AK5: variants seen among roughly 807,000 people sequenced by gnomAD.
AK5 encodes the protein adenylate kinase isoenzyme 5.
A neutral mutation model predicts 69.5 loss-of-function variants in AK5; 27 were observed. The observed-to-expected ratio is 0.39, with a 90% CI of 0.29 to 0.54. AK5 has a LOEUF of 0.54. Ranked by LOEUF, AK5 falls within the 20% of genes least tolerant of loss-of-function variation. The probability of loss-of-function intolerance (pLI) is 0.71; values close to 1 mark genes in which losing one functional copy is unlikely to be tolerated. For missense variants in AK5, 531 were observed against 700.4 expected, an observed-to-expected ratio of 0.76 and a Z score of 2.73; for synonymous variants, 260 against 244.4, an observed-to-expected ratio of 1.06 and a Z score of -0.60.
chr1:77,312,546 C>T (rs6700151), intron 5 of AK5, among the ~76,000 whole-genome samples: 1,831 of 147,268 alleles, frequency 0.012, 51 homozygotes, highest in African/African-American at 0.044. Context: ...AGCCAGGAGG[C>T]GGAGGTTGCA....
chr1:77,436,803 T>A (rs1346540849), intron 8 of AK5, among the ~76,000 whole-genome samples: 1 of 152,122 alleles, frequency 6.6e-6, no homozygotes, highest in Non-Finnish European at 1.5e-5. Context: ...TATTTCAGGC[T>A]AATTCCTTGT....
chr1:77,309,733 A>C (rs2100288033), intron 5 of AK5, among the ~76,000 whole-genome samples: 1 of 152,266 alleles, frequency 6.6e-6, no homozygotes, highest in Non-Finnish European at 1.5e-5. Flanking sequence ...AAACATTTAG[A>C]AATGTGTTTT....
intron 6 of AK5, among the ~76,000 whole-genome samples, chr1:77,409,228 G>A (rs773206454): frequency 2.6e-5 from 4 of 152,130 alleles, no homozygotes; most frequent in Non-Finnish European, 5.9e-5. Context: ...GAAGATTCAC[G>A]TGTATGTGTC....
chr1:77,457,069 C>T (rs1292447609), intron 8 of AK5, among the ~76,000 whole-genome samples: 1 of 152,144 alleles, frequency 6.6e-6, no homozygotes, highest in Non-Finnish European at 1.5e-5. Context: ...CATTTTGAGC[C>T]ACTGTCTTCT....
chr1:77,464,374 C>T (rs942810099), intron 8 of AK5, among the ~76,000 whole-genome samples: 8 of 152,144 alleles, frequency 5.3e-5, no homozygotes, highest in Admixed American at 2.6e-4. Flanking sequence ...GGAGTTTTTC[C>T]GGAGACCTCC....
chr1:77,282,820 G>A, intron 1 of AK5: 7 of 990,858 alleles, frequency 7.1e-6, no homozygotes, highest in Non-Finnish European at 8.4e-6. Flanking sequence ...CTGGGGGAAA[G>A]AGGAAATGTG....
intron 5 of AK5, among the ~76,000 whole-genome samples, chr1:77,320,568 G>A (rs1167215): frequency 0.21 from 31,955 of 151,976 alleles, 3,555 homozygotes; most frequent in African/African-American, 0.25. Flanking sequence ...GGTCAATATG[G>A]TGAAACCCCA....
At chr1:77,433,455 CTT>C (rs1651769959) in intron 8 of AK5, among the ~76,000 whole-genome samples, 1 of 151,206 alleles carries the variant, frequency 6.6e-6, no homozygotes. Context: ...TGACTTCAGA[CTT>C]TATCTGTAGT....
intron 5 of AK5, among the ~76,000 whole-genome samples, chr1:77,300,102 C>G (rs1557475672): frequency 6.6e-6 from 1 of 152,114 alleles, no homozygotes; most frequent in Non-Finnish European, 1.5e-5. Flanking sequence ...CCTGAAATTC[C>G]TACTCATGTG....
chr1:77,300,774 T>C (rs913342142), intron 5 of AK5, among the ~76,000 whole-genome samples: 4 of 152,182 alleles, frequency 2.6e-5, no homozygotes, highest in African/African-American at 9.7e-5. Context: ...GTACTTCTGA[T>C]TGACAGTCTA....
At chr1:77,290,971 A>C (rs1204377860) in intron 2 of AK5, among the ~76,000 whole-genome samples, 1 of 152,196 alleles carries the variant, frequency 6.6e-6, no homozygotes, top group East Asian at 1.9e-4. Context: ...CAAAGGGCTG[A>C]ATCTAACCTA....
chr1:77,464,201 G>A (rs912530353), intron 8 of AK5, among the ~76,000 whole-genome samples: 2 of 152,122 alleles, frequency 1.3e-5, no homozygotes, highest in Non-Finnish European at 1.5e-5. Flanking sequence ...AGGAAGAAAA[G>A]GGGGAAACAG....
intron 8 of AK5, among the ~76,000 whole-genome samples, chr1:77,445,785 A>G (rs2100647841): frequency 6.6e-6 from 1 of 152,212 alleles, no homozygotes; most frequent in South Asian, 2.1e-4. Context: ...GGGTTTCACC[A>G]TGTTGGCCAG....
chr1:77,489,849 C>T (rs1272137882), intron 10 of AK5, among the ~76,000 whole-genome samples: 1 of 152,216 alleles, frequency 6.6e-6, no homozygotes, highest in Admixed American at 6.5e-5. Context: ...CCATGTCAAT[C>T]TTTGGCTCCA....
intron 10 of AK5, among the ~76,000 whole-genome samples, chr1:77,497,249 G>A (rs10873944): frequency 0.56 from 84,512 of 151,284 alleles, 25,008 homozygotes; most frequent in Non-Finnish European, 0.67. Context: ...TGAAGTCCCC[G>A]AGACCATGAA....
At chr1:77,404,836 C>A (rs890094679) in intron 6 of AK5, among the ~76,000 whole-genome samples, 2 of 152,148 alleles carry the variant, frequency 1.3e-5, no homozygotes, top group Non-Finnish European at 2.9e-5. Flanking sequence ...ATGTGAATAG[C>A]TAGTACATAG....
intron 6 of AK5, among the ~76,000 whole-genome samples, chr1:77,368,317 T>G (rs1024884667): frequency 6.3e-5 from 8 of 126,152 alleles, no homozygotes; most frequent in African/African-American, 2.5e-4. Flanking sequence ...ATATGTTATA[T>G]ATAATATATA....
At chr1:77,343,153 G>A (rs1325846904) in intron 6 of AK5, among the ~76,000 whole-genome samples, 1 of 152,064 alleles carries the variant, frequency 6.6e-6, no homozygotes, top group Non-Finnish European at 1.5e-5. Context: ...AAATGTGCAG[G>A]GTGTCCTCAC....
Position 77,297,650 on chromosome 1 carries a change from G to T in AK5, c.507G>T (p.Lys169Asn). ...TTTCTGTGGGAGAATTATTAAGAAA[G>T]AAGATCCACAGTACCAGCAGCAATA... ...QYISVGELLR[K>N]KIHSTSSNRK... Residue 169 changes from lysine to asparagine, a missense_variant, in exon 4 of 14, where the codon AAG becomes AAT. Coordinates refer to ENST00000354567, the MANE Select transcript of AK5 (RefSeq NM_174858.3). The T allele has an allele frequency of 6.2e-7, 1 of 1,613,924 alleles. No individual in the cohort carries two copies. The highest frequency in any genetic ancestry group is 8.5e-7 in the Non-Finnish European group (1 of 1,179,936).
Sources: gnomAD v4.1 joint callset for allele counts (sites outside exome capture counted in the v4.1 genomes callset) on GRCh38, gnomAD v4.1.1 for gene constraint, MANE v1.5 for transcripts, NCBI Gene and HGNC (gene_info 2026-07-23, HGNC 2026-07-21) for gene names.